The following NRG3 variants were observed in gnomAD, a reference collection of about 807,000 sequenced individuals.
The protein encoded by NRG3 is pro-neuregulin-3, membrane-bound isoform.
Under a neutral mutation model 66.9 loss-of-function variants are expected in NRG3, and 31 were observed. The observed-to-expected ratio is 0.46, with a 90% CI of 0.35 to 0.63. The LOEUF (loss-of-function observed/expected upper bound fraction) is 0.63, where lower values mean the gene tolerates loss of function less well. Among genes scored for constraint, NRG3 ranks in the 20% least tolerant of loss-of-function variants. The pLI is 0.00. For missense variants in NRG3, 910 were observed against 878.9 expected (o/e 1.04, Z -0.45); for synonymous variants, 393 against 359.4 (o/e 1.09, Z -1.06).
intron 1 of NRG3, among the ~76,000 whole-genome samples, chr10:82,229,855 A>C (rs917595837): frequency 2.6e-5 from 4 of 152,334 alleles, no homozygotes; most frequent in South Asian, 4.1e-4. Context: ...TTACATCCAA[A>C]GTTACATTGG....
In NRG3 at chr10:82,142,273, A is replaced by G. The variant is rs561938202; in HGVS notation, c.824-216466A>G. Among the ~76,000 whole-genome samples the G allele has an allele frequency of 9.2e-5, 14 of 152,310 alleles. No individual in the cohort carries two copies. The South Asian group carries it at 2.9e-3, about 32-fold the overall frequency. Reference sequence around the variant, plus strand: ...ATGCTTTGAGATGTAGCAGTACTCAACCTGTTCTCTAACATCTGACACTCT... The same window carrying G: ...ATGCTTTGAGATGTAGCAGTACTCAGCCTGTTCTCTAACATCTGACACTCT... On this transcript the variant is annotated intron_variant, in intron 1 of 8. Transcript: ENST00000372141.
At chr10:82,522,039 CTTT>C (rs71009811) in intron 2 of NRG3, among the ~76,000 whole-genome samples, 83 of 97,736 alleles carry the variant, frequency 8.5e-4, no homozygotes, top group African/African-American at 2.7e-3. Flanking sequence ...CCGCTGAAGT[CTTT>C]TTTTTTTTTT....
chr10:82,482,266 A>C (rs1842333038), intron 2 of NRG3, among the ~76,000 whole-genome samples: 2 of 152,154 alleles, frequency 1.3e-5, no homozygotes, highest in South Asian at 4.1e-4. Context: ...ATGAGCATTG[A>C]GCACACTTAG....
intron 1 of NRG3, among the ~76,000 whole-genome samples, chr10:82,269,871 T>G (rs1230098481): frequency 1.3e-5 from 2 of 152,094 alleles, no homozygotes; most frequent in African/African-American, 4.8e-5. Flanking sequence ...GACACGGATT[T>G]CCTGCACAAG....
chr10:82,395,895 C>A (rs989964448), intron 2 of NRG3, among the ~76,000 whole-genome samples: 5 of 152,016 alleles, frequency 3.3e-5, no homozygotes, highest in Non-Finnish European at 5.9e-5. Context: ...ATGCTCTTAC[C>A]ATTAGATATA....
chr10:82,166,324 G>T (rs2072059168), intron 1 of NRG3, among the ~76,000 whole-genome samples: 1 of 152,094 alleles, frequency 6.6e-6, no homozygotes. Flanking sequence ...CGGCCTGATT[G>T]AATTTTTTAA....
chr10:81,981,485 C>T lies in NRG3; in HGVS notation c.823+105322C>T, dbSNP rs546731669. On this transcript the variant is annotated intron_variant, in intron 1 of 8. Coordinates refer to ENST00000372141, the MANE Select transcript of NRG3 (RefSeq NM_001010848.4). ...TGGTGGCTCTGCTTTGTGGGTCCAC[C>T]GGGACAGCAATGTTGCCTTAGCCCT... is the stretch of plus-strand genomic sequence containing the variant. Among the ~76,000 whole-genome samples the T allele has an allele frequency of 1.1e-4, 17 of 152,296 alleles. No individual in the cohort carries two copies. In the East Asian group the frequency reaches 1.5e-3, roughly 14 times the overall value.
intron 1 of NRG3, among the ~76,000 whole-genome samples, chr10:82,343,826 G>T (rs1291383405): frequency 1.3e-5 from 2 of 151,984 alleles, no homozygotes; most frequent in Non-Finnish European, 2.9e-5. Context: ...AATCTCCTCA[G>T]TGTTAATCCA....
At chr10:82,408,760 GATA>G (rs2136131138) in intron 2 of NRG3, among the ~76,000 whole-genome samples, 1 of 151,750 alleles carries the variant, frequency 6.6e-6, no homozygotes, top group African/African-American at 2.4e-5. Flanking sequence ...TAGATACCAT[GATA>G]ATAATAACGC....
In NRG3 at chr10:82,185,171, T is replaced by C. The variant is rs142225424; in HGVS notation, c.824-173568T>C. On this transcript the variant is annotated intron_variant, in intron 1 of 8. Transcript: ENST00000372141. ...TGGCCAAGACTCTTTTGAGCTTTTT[T>C]TTCAGTCTATTTCTTGAGTGAGTAA... Among the ~76,000 whole-genome samples the C allele has an allele frequency of 5.8e-3, 890 of 152,198 alleles. 7 individuals are homozygous for C. Among genetic ancestry groups the C allele is most frequent in the Admixed American group, 8.5e-3 (130 of 15,262 alleles).
intron 6 of NRG3, among the ~76,000 whole-genome samples, chr10:82,965,520 G>A (rs542492801): frequency 6.6e-6 from 1 of 152,266 alleles, no homozygotes; most frequent in South Asian, 2.1e-4. Context: ...TGGACCACTT[G>A]AAGTCAAGAG....
intron 2 of NRG3, among the ~76,000 whole-genome samples, chr10:82,361,503 A>C (rs1159856063): frequency 6.6e-6 from 1 of 152,344 alleles, no homozygotes; most frequent in Admixed American, 6.5e-5. Context: ...CAATGTAGTT[A>C]TTAATAAAGT....
intron 2 of NRG3, among the ~76,000 whole-genome samples, chr10:82,520,434 C>A (rs1055074447): frequency 1.3e-5 from 2 of 151,790 alleles, no homozygotes; most frequent in South Asian, 2.1e-4. Flanking sequence ...ACACACAAAA[C>A]CCTCAGTAAT....
At chr10:82,893,759 G>C (rs1341203638) in intron 4 of NRG3, among the ~76,000 whole-genome samples, 1 of 152,090 alleles carries the variant, frequency 6.6e-6, no homozygotes, top group Non-Finnish European at 1.5e-5. Flanking sequence ...CTAATGCCAT[G>C]TTTACAGGTA....
At chr10:81,926,156 T>C (rs1846756979) in intron 1 of NRG3, among the ~76,000 whole-genome samples, 1 of 152,166 alleles carries the variant, frequency 6.6e-6, no homozygotes, top group Non-Finnish European at 1.5e-5. Context: ...CTAACTTTGT[T>C]TCCCAGGCTG....
At chr10:82,020,878 C>A (rs1201938898) in intron 1 of NRG3, among the ~76,000 whole-genome samples, 1 of 152,052 alleles carries the variant, frequency 6.6e-6, no homozygotes, top group Non-Finnish European at 1.5e-5. Context: ...ACTTTAATTT[C>A]TTTTGGCTTT....
At chr10:82,827,618 G>A (rs2062301757) in intron 3 of NRG3, among the ~76,000 whole-genome samples, 1 of 152,130 alleles carries the variant, frequency 6.6e-6, no homozygotes, top group Admixed American at 6.6e-5. Flanking sequence ...TAATTCTGCT[G>A]TTTTTGATGT....
chr10:82,841,581 T>C (rs1403961902), intron 3 of NRG3, among the ~76,000 whole-genome samples: 1 of 152,152 alleles, frequency 6.6e-6, no homozygotes, highest in African/African-American at 2.4e-5. Context: ...GTTGGTACTG[T>C]ATCCTTGAGG....
chr10:82,063,732 A>G (rs1445638982), intron 1 of NRG3, among the ~76,000 whole-genome samples: 1 of 152,178 alleles, frequency 6.6e-6, no homozygotes, highest in East Asian at 1.9e-4. Flanking sequence ...ATAGCTGAAG[A>G]AAGAACTAAA....
Sources: gnomAD v4.1 joint callset for allele counts (sites outside exome capture counted in the v4.1 genomes callset) on GRCh38, gnomAD v4.1.1 for gene constraint, MANE v1.5 for transcripts, NCBI Gene and HGNC (gene_info 2026-07-23, HGNC 2026-07-21) for gene names.